The following B4GALNT4 variants were observed in gnomAD, a reference collection of about 807,000 sequenced individuals.
B4GALNT4 encodes the protein beta-1,4-N-acetyl-galactosaminyltransferase 4.
In B4GALNT4, 77 loss-of-function variants were observed where a neutral mutation model predicts 110.0. The observed-to-expected ratio is 0.70, with a 90% confidence interval of 0.58 to 0.85. The LOEUF (loss-of-function observed/expected upper bound fraction) is 0.85, where lower values mean the gene tolerates loss of function less well. B4GALNT4 is among the 40% of genes least tolerant of loss of function. The pLI is 0.00. For missense variants in B4GALNT4, 1,575 were observed against 1,506.0 expected, an observed-to-expected ratio of 1.05 and a Z score of -0.76; for synonymous variants, 785 against 655.5, an observed-to-expected ratio of 1.20 and a Z score of -3.02.
In B4GALNT4 at chr11:381,814, C is replaced by T. The variant is rs560126289; in HGVS notation, c.*22C>T. On this transcript the variant is annotated 3_prime_UTR_variant, in exon 20 of 20. Coordinates refer to ENST00000329962, the MANE Select transcript of B4GALNT4 (RefSeq NM_178537.5). ...TTGAGGACGGGCAGCCCCTCCCAGCCCCGGTGGGAGTCCCGAGGCAGCTGC... is the reference window on the plus strand; with the variant it reads ...TTGAGGACGGGCAGCCCCTCCCAGCTCCGGTGGGAGTCCCGAGGCAGCTGC... 2 of 1,557,780 alleles carry T rather than the reference C, an allele frequency of 1.3e-6. No individual in the cohort carries two copies. The highest frequency in any genetic ancestry group is 1.4e-5 in the African/African-American group (1 of 70,830).
chr11:372,688 G>A lies in B4GALNT4; in HGVS notation c.282G>A (p.Leu94=). The change falls in exon 3 of 20, where the codon CTG becomes CTA. Residue 94 remains leucine, a synonymous_variant. Transcript: ENST00000329962. ...QAPEGRDLDM[L]FPGGAGRLPL... ...CCGAAGGTCGGGACCTAGACATGCT[G>A]TTTCCTGGGGGGGCTGGGAGGCTGC... The A allele has an allele frequency of 1.9e-6, 3 of 1,611,866 alleles. No individual in the cohort carries two copies. The highest frequency in any genetic ancestry group is 2.5e-6 in the Non-Finnish European group (3 of 1,179,780).
Position 376,431 on chromosome 11 carries a change from C to A in B4GALNT4, c.1308C>A (p.Asp436Glu). Residue 436 changes from aspartate (D) to glutamate (E), a missense_variant, in exon 14 of 20, where the codon GAC becomes GAA. Asp to Glu is a conservative substitution (Grantham distance 45, BLOSUM62 2). Transcript: ENST00000329962. ...FLFLNPDDFL[D>E]DEDEGELLDS... ...CCGCGTTTCCCGCAGACTTCCTGGA[C>A]GACGAGGACGAGGGGGAGCTGCTCG... 6.3e-7 allele frequency: 1 copy of A among 1,597,570 alleles called. No individual in the cohort carries two copies. Among genetic ancestry groups the A allele is most frequent in the South Asian group, 1.1e-5 (1 of 90,942 alleles).
chr11:378,323 C>T (rs914203654), intron 14 of B4GALNT4, among the ~76,000 whole-genome samples: 2 of 152,104 alleles, frequency 1.3e-5, no homozygotes, highest in African/African-American at 4.8e-5. Context: ...GCCTGGAGCC[C>T]TGGGCGGTGG....
In B4GALNT4 at chr11:379,636, CCGAGCT is replaced by C; in HGVS notation, c.2425_2430del (p.Glu809_Leu810del). 1.3e-6 allele frequency: 2 copies of C among 1,509,874 alleles called. No individual in the cohort carries two copies. Among genetic ancestry groups the C allele is most frequent in the Non-Finnish European group, 1.8e-6 (2 of 1,133,306 alleles). 93.5% of individuals were successfully genotyped at this position (1,509,874 alleles called of 1,614,324 possible). A position where few individuals can be genotyped will look rare whatever the true frequency, so the allele number is the denominator to read the frequency against. ...GCCTCCGTGCGCCCCGACGGCCGCC[CCGAGCT>C]CTGCCGGCCACTGCGCCTGGCCTGG... On this transcript the variant is annotated inframe_deletion, in exon 15 of 20. Coordinates refer to ENST00000329962, the MANE Select transcript of B4GALNT4 (RefSeq NM_178537.5).
Position 369,817 on chromosome 11 carries a change from C to T in B4GALNT4, c.14C>T (p.Pro5Leu). 3 of 982,556 alleles carry T rather than the reference C, an allele frequency of 3.1e-6. No individual in the cohort carries two copies. The highest frequency in any genetic ancestry group is 3.6e-6 in the Non-Finnish European group (3 of 829,314). 60.9% of individuals were successfully genotyped at this position (982,556 alleles called of 1,614,324 possible). The change falls in exon 1 of 20, where the codon CCG (proline) becomes CTG (leucine). Residue 5 changes from proline to leucine, a missense_variant. By Grantham distance (98) the Pro-to-Leu change is moderately conservative. Coordinates refer to ENST00000329962, the MANE Select transcript of B4GALNT4 (RefSeq NM_178537.5). ...GCGGCGGCCGCGATGCCGCGGCTCC[C>T]GGTGAAGAAGATCCGTAAGCAGATG... MPRL[P>L]VKKIRKQMKL... is the part of the protein sequence containing the mutation.
rs147162160 is a variant in B4GALNT4 at position 373,828 on chromosome 11, C to T, written c.783C>T (p.Gly261=). Residue 261 remains glycine (G), a splice_region_variant and synonymous_variant, in exon 8 of 20, where the codon GGC becomes GGT. Transcript: ENST00000329962. ...GCGGCTCGGACCACGTGGAAGTGGG[C>T]GTGAGTGCCTTCCTCCCCTGGGGGC... The part of the protein sequence containing the change: ...DDRGSDHVEV[G]WRAFLPGLKF... 8.3e-5 allele frequency: 133 copies of T among 1,611,376 alleles called. No individual in the cohort carries two copies. In the Middle Eastern group the frequency reaches 9.9e-4, roughly 12 times the overall value.
At position 373,511 on chromosome 11, in the gene B4GALNT4, C is replaced by T. The variant is rs901500187; in HGVS notation, c.699C>T (p.Pro233=). The T allele has an allele frequency of 3.1e-6, 5 of 1,612,178 alleles. No individual in the cohort carries two copies. Among genetic ancestry groups the T allele is most frequent in the Non-Finnish European group, 4.2e-6 (5 of 1,179,790 alleles). ...FTKFSSQVSK[P]RRLMASRRYY... is the part of the protein sequence containing the mutation. ...AGTTCAGCTCCCAGGTGTCCAAGCC[C>T]AGGCGGTGAGTGACTGTGGGGTGCA... Residue 233 remains proline (P), a synonymous_variant, in exon 7 of 20, where the codon CCC becomes CCT. Transcript: ENST00000329962.
In B4GALNT4 at chr11:373,411, C is replaced by A. The variant is rs747791121; in HGVS notation, c.637-38C>A. On this transcript the variant is annotated intron_variant, in intron 6 of 19. Coordinates refer to ENST00000329962, the MANE Select transcript of B4GALNT4 (RefSeq NM_178537.5). ...GGTGTCCCCAGGGAGAGAGTGAACC[C>A]CCCCCCCCACCACCACCCCTGCTCT... 5.8e-6 allele frequency: 6 copies of A among 1,033,918 alleles called. No homozygotes were observed. The African/African-American group carries it at 6.3e-5, about 11-fold the overall frequency. The allele number at this position is 1,033,918 out of a possible 1,614,324, so 64.0% of individuals were successfully genotyped here.
At position 380,841 on chromosome 11, in the gene B4GALNT4, C is replaced by G. The variant is rs771790328; in HGVS notation, c.2886C>G (p.Asn962Lys). The G allele has an allele frequency of 4.3e-6, 7 of 1,613,648 alleles. No individual in the cohort carries two copies. Among genetic ancestry groups the G allele is most frequent in the Non-Finnish European group, 4.2e-6 (5 of 1,179,856 alleles). The change falls in exon 19 of 20, where the codon AAC (asparagine) becomes AAG (lysine). Residue 962 changes from asparagine (N) to lysine (K), a missense_variant. Transcript: ENST00000329962. Reference protein sequence around the residue: ...PRDPHGYWEVNGFGLFGIYKS... With the variant: ...PRDPHGYWEVKGFGLFGIYKS... Reference sequence around the variant, plus strand: ...CCGCCCCAGGTTACTGGGAGGTGAACGGCTTTGGCCTTTTTGGGATCTACA... The same window carrying G: ...CCGCCCCAGGTTACTGGGAGGTGAAGGGCTTTGGCCTTTTTGGGATCTACA...
chr11:376,897 C>T lies in B4GALNT4; in HGVS notation c.1774C>T (p.Arg592Trp). 2.2e-6 allele frequency: 3 copies of T among 1,358,780 alleles called. No individual in the cohort carries two copies. Among genetic ancestry groups the T allele is most frequent in the South Asian group, 3.6e-5 (2 of 55,388 alleles). 84.2% of individuals were successfully genotyped at this position (1,358,780 alleles called of 1,614,324 possible). Residue 592 changes from arginine (R) to tryptophan (W), a missense_variant, in exon 14 of 20, where the codon CGG (arginine) becomes TGG (tryptophan). Arg to Trp is a moderately radical substitution (Grantham distance 101). Coordinates refer to ENST00000329962, the MANE Select transcript of B4GALNT4 (RefSeq NM_178537.5). The part of the protein sequence containing the change: ...PQATQPRPPA[R>W]AQATQGGREG... ...GGCCACACAGCCGAGGCCCCCAGCC[C>T]GGGCGCAGGCCACCCAAGGGGGCCG...
chr11:379,849 C>CCG lies in B4GALNT4; in HGVS notation c.2489-17_2489-16insCG. On this transcript the variant is annotated splice_polypyrimidine_tract_variant and intron_variant, in intron 15 of 19. Transcript: ENST00000329962. ...GTCAGCGTCGGCTCAGCGCCCCCCC[C>CCG]GCCTTTTCTCCTCCAGTGAAAAACC... The CCG allele has an allele frequency of 6.3e-7, 1 of 1,579,442 alleles. No homozygotes were observed. Among genetic ancestry groups the CCG allele is most frequent in the African/African-American group, 1.3e-5 (1 of 74,422 alleles).
In B4GALNT4 at chr11:380,998, C is replaced by T. The variant is rs772944326; in HGVS notation, c.2996+47C>T. 5 of 1,584,636 alleles carry T rather than the reference C, an allele frequency of 3.2e-6. No homozygotes were observed. The Admixed American group carries it at 5.4e-5, about 17-fold the overall frequency. The stretch of plus-strand genomic sequence containing the variant: ...AGAGGTGACACCCTGACCCCTGCGT[C>T]CTCCTCCTCTGAATGGGGAAGGGGG... On this transcript the variant is annotated intron_variant, in intron 19 of 19. Coordinates refer to ENST00000329962, the MANE Select transcript of B4GALNT4 (RefSeq NM_178537.5).
At chr11:380,796 G>C (rs755047667) in intron 18 of B4GALNT4, 29 bp from the exon 19 acceptor site, 7 of 1,613,514 alleles carry the variant, frequency 4.3e-6, no homozygotes, top group Non-Finnish European at 5.1e-6. Context: ...CTGGTCTGAA[G>C]GGTAGCACCC....
intron 1 of B4GALNT4, among the ~76,000 whole-genome samples, chr11:370,725 G>T (rs1319771603): frequency 6.6e-6 from 1 of 152,102 alleles, no homozygotes; most frequent in Non-Finnish European, 1.5e-5. Flanking sequence ...GAGGAGGGAG[G>T]TTAGTGCCAT....
At chr11:377,372 G>A in intron 14 of B4GALNT4, 45 bp downstream of exon 14, 1 of 1,447,876 alleles carries the variant, frequency 6.9e-7, no homozygotes, top group Non-Finnish European at 9.1e-7. Context: ...TTGGAGGCGG[G>A]GACAGCCGGG....
intron 3 of B4GALNT4, 42 bp from the exon 4 acceptor site, chr11:372,810 G>A: frequency 2.0e-6 from 3 of 1,528,426 alleles, no homozygotes; most frequent in Non-Finnish European, 2.6e-6. Flanking sequence ...TGGGGCGGGG[G>A]GGCGGCGGGC....
Position 373,086 on chromosome 11 carries a change from A to G in B4GALNT4, c.505A>G (p.Ile169Val), listed in dbSNP as rs1846649096. The change falls in exon 5 of 20, where the codon ATT (isoleucine) becomes GTT (valine). Residue 169 changes from isoleucine to valine, a missense_variant. Transcript: ENST00000329962. ...CAAGTGGAAGAACTATGGACTCCGTATTTTTGGTTTCATCCACCCGGCGAG... is the reference window on the plus strand; with the variant it reads ...CAAGTGGAAGAACTATGGACTCCGTGTTTTTGGTTTCATCCACCCGGCGAG... ...SPKWKNYGLR[I>V]FGFIHPARDG... The G allele has an allele frequency of 1.9e-6, 3 of 1,611,870 alleles. No individual in the cohort carries two copies. Among genetic ancestry groups the G allele is most frequent in the African/African-American group, 2.7e-5 (2 of 74,726 alleles).
chr11:374,115 A>G (rs1483653373), intron 8 of B4GALNT4, among the ~76,000 whole-genome samples: 1 of 151,734 alleles, frequency 6.6e-6, no homozygotes, highest in Non-Finnish European at 1.5e-5. Context: ...CCACAAGAAC[A>G]GCGAAGGAAC....
At chr11:370,654 G>A (rs1377777054) in intron 1 of B4GALNT4, among the ~76,000 whole-genome samples, 2 of 152,156 alleles carry the variant, frequency 1.3e-5, no homozygotes, top group Non-Finnish European at 2.9e-5. Flanking sequence ...CAGACAGGAA[G>A]GCGCAGATGA....
Sources: gnomAD v4.1 joint callset for allele counts (sites outside exome capture counted in the v4.1 genomes callset) on GRCh38, gnomAD v4.1.1 for gene constraint, MANE v1.5 for transcripts, NCBI Gene and HGNC (gene_info 2026-07-23, HGNC 2026-07-21) for gene names.